APBB1IP: variants seen among roughly 807,000 people sequenced by gnomAD.
APBB1IP encodes amyloid beta precursor protein binding family B member 1 interacting protein.
A neutral mutation model predicts 64.9 loss-of-function variants in APBB1IP; 27 were observed. The ratio of observed to expected loss-of-function variants is 0.42; its 90% CI spans 0.31 to 0.57. The LOEUF is 0.57. Ranked by LOEUF, APBB1IP falls within the 20% of genes least tolerant of loss-of-function variation. The pLI is 0.20. For missense variants in APBB1IP, 812 were observed against 845.5 expected (o/e 0.96, Z 0.49); for synonymous variants, 392 against 331.0 (o/e 1.18, Z -2.00).
chr10:26,508,841 T>C lies in APBB1IP; in HGVS notation c.532-2906T>C, dbSNP rs180791030. Among the ~76,000 whole-genome samples the C allele has an allele frequency of 2.4e-3, 373 of 152,356 alleles. 1 individual carries two copies. Among genetic ancestry groups the C allele is most frequent in the Non-Finnish European group, 3.5e-3 (236 of 68,032 alleles). On this transcript the variant is annotated intron_variant, in intron 6 of 14. Transcript: ENST00000376236. ...TCCAATTTCTGCAAAAAAACACCTT[T>C]AATCATTGCCAAATTATGTGGTTTA...
At chr10:26,565,974 T>C (rs1421535793) in intron 14 of APBB1IP, among the ~76,000 whole-genome samples, 1 of 152,236 alleles carries the variant, frequency 6.6e-6, no homozygotes, top group African/African-American at 2.4e-5. Context: ...ATCCCAGAGT[T>C]AGTTTTTAAA....
At chr10:26,561,252 T>C (rs1323421044) in intron 13 of APBB1IP, among the ~76,000 whole-genome samples, 1 of 151,274 alleles carries the variant, frequency 6.6e-6, no homozygotes, top group Non-Finnish European at 1.5e-5. Context: ...GTATTTTTAG[T>C]AGAGACAGGG....
intron 2 of APBB1IP, among the ~76,000 whole-genome samples, chr10:26,443,833 G>A (rs749482806): frequency 3.3e-5 from 5 of 152,032 alleles, no homozygotes; most frequent in Non-Finnish European, 7.4e-5. Flanking sequence ...CACTGTGCCC[G>A]GCCAGATCTC....
At chr10:26,525,345 C>A (rs369893423) in intron 8 of APBB1IP, among the ~76,000 whole-genome samples, 4 of 152,070 alleles carry the variant, frequency 2.6e-5, no homozygotes, top group African/African-American at 9.7e-5. Flanking sequence ...TAATTTGCTT[C>A]TTTGGGTCTT....
chr10:26,530,944 C>A (rs1364708999), intron 8 of APBB1IP, among the ~76,000 whole-genome samples: 3 of 152,176 alleles, frequency 2.0e-5, no homozygotes, highest in African/African-American at 7.2e-5. Flanking sequence ...TTTCTGAATT[C>A]TATATTGTAA....
At chr10:26,443,441 C>T (rs4348793) in intron 2 of APBB1IP, among the ~76,000 whole-genome samples, 5,172 of 121,404 alleles carry the variant, frequency 0.043, 307 homozygotes, top group African/African-American at 0.16. Flanking sequence ...GAGCGAAACT[C>T]CATCTCAAAA....
intron 2 of APBB1IP, among the ~76,000 whole-genome samples, chr10:26,487,778 C>T (rs559727311): frequency 7.9e-5 from 12 of 152,236 alleles, no homozygotes; most frequent in Admixed American, 2.6e-4. Context: ...TCTGACTCAT[C>T]GATGTCACAT....
chr10:26,533,653 C>A, intron 9 of APBB1IP, 128 bp downstream of exon 9: 1 of 490,546 alleles, frequency 2.0e-6, no homozygotes, highest in South Asian at 4.7e-5. Flanking sequence ...GTGTTAAAAT[C>A]AAATTATTTC....
chr10:26,491,503 A>C (rs1256361120), intron 2 of APBB1IP, among the ~76,000 whole-genome samples: 1 of 152,116 alleles, frequency 6.6e-6, no homozygotes. Flanking sequence ...AGTGCGTCCC[A>C]CCCTATTTTG....
chr10:26,535,876 G>C (rs1326586373), intron 9 of APBB1IP, among the ~76,000 whole-genome samples, 198 bp from the exon 10 acceptor site: 1 of 152,148 alleles, frequency 6.6e-6, no homozygotes, highest in Non-Finnish European at 1.5e-5. Context: ...TCTAACTCAG[G>C]AGCCAGGATT....
intron 11 of APBB1IP, among the ~76,000 whole-genome samples, chr10:26,559,273 G>A (rs2132482641): frequency 6.6e-6 from 1 of 152,234 alleles, no homozygotes; most frequent in South Asian, 2.1e-4. Context: ...ATAGTAAGAA[G>A]TGTTTACAGA....
intron 8 of APBB1IP, among the ~76,000 whole-genome samples, chr10:26,519,544 G>T (rs1003000840): frequency 1.3e-5 from 2 of 152,190 alleles, no homozygotes; most frequent in African/African-American, 4.8e-5. Flanking sequence ...GTGCTAAACT[G>T]TTAGAAATTG....
chr10:26,474,959 G>T (rs759983103), intron 2 of APBB1IP, among the ~76,000 whole-genome samples: 2 of 152,216 alleles, frequency 1.3e-5, no homozygotes, highest in African/African-American at 4.8e-5. Context: ...AGGCGGAAAC[G>T]CCATCATGTC....
chr10:26,517,551 C>T (rs889878044), intron 8 of APBB1IP, among the ~76,000 whole-genome samples: 21 of 152,162 alleles, frequency 1.4e-4, no homozygotes, highest in African/African-American at 5.1e-4. Flanking sequence ...GTAAGCCTCC[C>T]GCCTCAGCCA....
intron 6 of APBB1IP, among the ~76,000 whole-genome samples, chr10:26,506,169 C>T (rs915102246): frequency 6.6e-6 from 1 of 151,226 alleles, no homozygotes; most frequent in African/African-American, 2.4e-5. Flanking sequence ...CTATCTAACA[C>T]CACATGCACA....
At chr10:26,533,740 T>C (rs1170871526) in intron 9 of APBB1IP, among the ~76,000 whole-genome samples, 1 of 152,214 alleles carries the variant, frequency 6.6e-6, no homozygotes, top group Admixed American at 6.5e-5. Flanking sequence ...TTTAGATAAA[T>C]GAAGCTGGAT....
At chr10:26,447,003 TA>T (rs1225144878) in intron 2 of APBB1IP, among the ~76,000 whole-genome samples, 2 of 151,832 alleles carry the variant, frequency 1.3e-5, no homozygotes, top group African/African-American at 4.8e-5. Flanking sequence ...ACAGAAATAA[TA>T]TGGTGCAGAT....
intron 11 of APBB1IP, among the ~76,000 whole-genome samples, chr10:26,551,444 G>A (rs148389394): frequency 3.8e-3 from 579 of 152,266 alleles, no homozygotes; most frequent in African/African-American, 0.013. Flanking sequence ...GCAGTCCAGC[G>A]GGGCTTCCCA....
chr10:26,460,352 C>T (rs6482564), intron 2 of APBB1IP, among the ~76,000 whole-genome samples: 2,820 of 152,236 alleles, frequency 0.019, 46 homozygotes, highest in Non-Finnish European at 0.028. Flanking sequence ...TTGCAATGCA[C>T]TTGTCCATCT....
Sources: allele counts gnomAD v4.1 joint callset (sites outside exome capture counted in the v4.1 genomes callset), GRCh38; gene constraint gnomAD v4.1.1; transcripts MANE v1.5; gene names NCBI Gene and HGNC (gene_info 2026-07-23, HGNC 2026-07-21).